The following DLGAP1 variants were observed in gnomAD, a reference collection of about 807,000 sequenced individuals.
DLGAP1 encodes the protein disks large-associated protein 1.
DLGAP1 carries 11 observed loss-of-function variants against 90.8 expected under a neutral mutation model. That is an observed-to-expected ratio of 0.12 (90% CI 0.08 to 0.20). DLGAP1 has a LOEUF of 0.20. DLGAP1 is among the 10% of genes least tolerant of loss of function. The probability of loss-of-function intolerance (pLI) is 1.00; values close to 1 mark genes in which losing one functional copy is unlikely to be tolerated. For missense variants in DLGAP1, 1,050 were observed against 1,333.8 expected, an observed-to-expected ratio of 0.79 and a Z score of 3.31; for synonymous variants, 558 against 540.7, an observed-to-expected ratio of 1.03 and a Z score of -0.44.
intron 7 of DLGAP1, among the ~76,000 whole-genome samples, chr18:3,701,253 C>G (rs866074195): frequency 6.6e-6 from 1 of 152,072 alleles, no homozygotes; most frequent in Non-Finnish European, 1.5e-5. Context: ...GAAGAAAGAA[C>G]CAAACAGTCC....
intron 2 of DLGAP1, among the ~76,000 whole-genome samples, chr18:4,100,247 T>C (rs1490602723): frequency 1.3e-5 from 2 of 152,246 alleles, no homozygotes; most frequent in East Asian, 1.9e-4. Flanking sequence ...GGCTACAGCA[T>C]GGATATTGTG....
chr18:3,906,026 T>A (rs1038765356), intron 3 of DLGAP1, among the ~76,000 whole-genome samples: 2 of 152,208 alleles, frequency 1.3e-5, no homozygotes, highest in Admixed American at 1.3e-4. Flanking sequence ...TGCAGACCAA[T>A]CCCAAGTCCC....
intron 3 of DLGAP1, among the ~76,000 whole-genome samples, chr18:3,911,735 A>T (rs113081993): frequency 3.2e-4 from 48 of 152,350 alleles, no homozygotes; most frequent in African/African-American, 1.1e-3. Flanking sequence ...AATGAACAAG[A>T]CTTGATTCCT....
chr18:4,442,240 C>T (rs889412978), intron 1 of DLGAP1, among the ~76,000 whole-genome samples: 2 of 152,108 alleles, frequency 1.3e-5, no homozygotes, highest in Admixed American at 6.5e-5. Flanking sequence ...CTTCATGATC[C>T]GCCCACCTCG....
chr18:4,212,509 TAA>T (rs3041112), intron 1 of DLGAP1, among the ~76,000 whole-genome samples: 14 of 136,656 alleles, frequency 1.0e-4, no homozygotes, highest in African/African-American at 8.4e-5. Flanking sequence ...CTACTAAAGT[TAA>T]AAAAAAAAAA....
At chr18:3,561,265 A>C (rs8098101) in intron 9 of DLGAP1, among the ~76,000 whole-genome samples, 6 of 101,274 alleles carry the variant, frequency 5.9e-5, no homozygotes, top group Admixed American at 2.9e-4. Context: ...AAAAAAAAAA[A>C]CAAAAAAAAA....
rs959645691 is a variant in DLGAP1 at position 4,279,505 on chromosome 18, A to G, written c.-266-128218T>C. ...GCTTTAAAAAATAAACCGTTGACTGAATCTTGGTGCTGGTGGGGAAGTGCC... is the reference window on the plus strand; with the variant it reads ...GCTTTAAAAAATAAACCGTTGACTGGATCTTGGTGCTGGTGGGGAAGTGCC... On this transcript the variant is annotated intron_variant, in intron 1 of 12. Coordinates refer to ENST00000315677, the MANE Select transcript of DLGAP1 (RefSeq NM_004746.4). 3.3e-5 allele frequency among the ~76,000 whole-genome samples: 5 copies of G among 152,314 alleles called. No individual in the cohort carries two copies. The East Asian group carries it at 5.8e-4, about 18-fold the overall frequency.
At chr18:4,089,363 A>AT (rs1364050155) in intron 2 of DLGAP1, among the ~76,000 whole-genome samples, 1 of 152,228 alleles carries the variant, frequency 6.6e-6, no homozygotes, top group Non-Finnish European at 1.5e-5. Flanking sequence ...ATATTGTGAA[A>AT]ATGGCCATAC....
intron 7 of DLGAP1, among the ~76,000 whole-genome samples, chr18:3,694,216 C>T (rs902876389): frequency 5.3e-5 from 8 of 152,248 alleles, no homozygotes; most frequent in South Asian, 2.1e-4. Flanking sequence ...AGGACACGAA[C>T]GCATCCATTT....
intron 3 of DLGAP1, among the ~76,000 whole-genome samples, chr18:3,926,020 G>A (rs1232532003): frequency 6.6e-6 from 1 of 152,134 alleles, no homozygotes; most frequent in African/African-American, 2.4e-5. Context: ...GTTGAGGTAT[G>A]GGACAGCAAT....
intron 1 of DLGAP1, among the ~76,000 whole-genome samples, chr18:4,314,177 T>C (rs145715861): frequency 1.3e-5 from 2 of 152,280 alleles, no homozygotes; most frequent in East Asian, 3.9e-4. Context: ...ATGATTGACC[T>C]TTATCTATAT....
At chr18:4,441,367 A>G (rs567098212) in intron 1 of DLGAP1, among the ~76,000 whole-genome samples, 2 of 152,320 alleles carry the variant, frequency 1.3e-5, no homozygotes, top group Admixed American at 1.3e-4. Flanking sequence ...TTTCTCTGAC[A>G]AGTGGGAAGA....
rs188245354 is a variant in DLGAP1 at position 3,560,556 on chromosome 18, C to T, written c.2057+6934G>A. Among the ~76,000 whole-genome samples, 127 of 145,280 alleles carry T rather than the reference C, an allele frequency of 8.7e-4. 2 individuals carry two copies. Among genetic ancestry groups the T allele is most frequent in the Non-Finnish European group, 1.3e-3 (85 of 67,604 alleles). The stretch of plus-strand genomic sequence containing the variant: ...GGTGAGCCAATATTGTGCCACTGCA[C>T]TCCAGCCTGGGTGACAGAGCAAGAC... On this transcript the variant is annotated intron_variant, in intron 9 of 12. Transcript: ENST00000315677.
At chr18:3,835,069 G>T (rs2068290616) in intron 4 of DLGAP1, among the ~76,000 whole-genome samples, 1 of 152,124 alleles carries the variant, frequency 6.6e-6, no homozygotes, top group Non-Finnish European at 1.5e-5. Context: ...TCAAAGTTAA[G>T]AAAATTTACA....
At chr18:3,614,361 G>A (rs1343228997) in intron 7 of DLGAP1, among the ~76,000 whole-genome samples, 1 of 152,082 alleles carries the variant, frequency 6.6e-6, no homozygotes, top group African/African-American at 2.4e-5. Context: ...TTGCATAAAT[G>A]TACATTTAGG....
chr18:4,217,291 T>C (rs976924388), intron 1 of DLGAP1, among the ~76,000 whole-genome samples: 2 of 152,152 alleles, frequency 1.3e-5, no homozygotes, highest in African/African-American at 4.8e-5. Context: ...ACCTAGGATA[T>C]CTTGGTTGTT....
intron 1 of DLGAP1, among the ~76,000 whole-genome samples, chr18:4,159,440 T>C (rs1272665730): frequency 1.3e-5 from 2 of 152,172 alleles, no homozygotes; most frequent in East Asian, 3.8e-4. Flanking sequence ...TTTGAATCTT[T>C]GCTGGTCTCT....
At chr18:4,270,680 C>A (rs924704140) in intron 1 of DLGAP1, among the ~76,000 whole-genome samples, 1 of 152,136 alleles carries the variant, frequency 6.6e-6, no homozygotes, top group Non-Finnish European at 1.5e-5. Context: ...ATATACCTTC[C>A]AAAGCCTCTG....
Position 4,329,972 on chromosome 18 carries a change from T to C in DLGAP1, c.-267+125034A>G, listed in dbSNP as rs539155691. On this transcript the variant is annotated intron_variant, in intron 1 of 12. Coordinates refer to ENST00000315677, the MANE Select transcript of DLGAP1 (RefSeq NM_004746.4). ...AAATATTTTTTGCCTGAGTGTTTCA[T>C]AGAAATCATCAGTGAAGCCACCTGG... Among the ~76,000 whole-genome samples the C allele has an allele frequency of 6.6e-5, 10 of 152,134 alleles. No individual in the cohort carries two copies. The South Asian group carries it at 1.4e-3, about 22-fold the overall frequency.
Sources: allele counts gnomAD v4.1 joint callset (sites outside exome capture counted in the v4.1 genomes callset), GRCh38; gene constraint gnomAD v4.1.1; transcripts MANE v1.5; gene names NCBI Gene and HGNC (gene_info 2026-07-23, HGNC 2026-07-21).